The following SPIRE1 variants were observed in gnomAD, a reference collection of about 807,000 sequenced individuals.
SPIRE1 encodes the protein protein spire homolog 1.
A neutral mutation model predicts 94.1 loss-of-function variants in SPIRE1; 40 were observed. The observed-to-expected ratio is 0.43, with a 90% confidence interval of 0.33 to 0.55. The LOEUF (loss-of-function observed/expected upper bound fraction) is 0.55. SPIRE1 is among the 20% of genes least tolerant of loss of function. The probability of loss-of-function intolerance (pLI) is 0.06; values close to 1 mark genes in which losing one functional copy is unlikely to be tolerated. For missense variants in SPIRE1, 838 were observed against 975.2 expected, an observed-to-expected ratio of 0.86 and a Z score of 1.87; for synonymous variants, 376 against 371.7, an observed-to-expected ratio of 1.01 and a Z score of -0.13.
At position 12,557,245 on chromosome 18, in the gene SPIRE1, G is replaced by A. The variant is rs140472709; in HGVS notation, c.373-10341C>T. The stretch of plus-strand genomic sequence containing the variant: ...GGGCCTCATGGGAGACCACGGCAGC[G>A]GGGCAGGGACAGGGCTCAGGCATGG... On this transcript the variant is annotated intron_variant, in intron 2 of 16. Coordinates refer to ENST00000409402, the MANE Select transcript of SPIRE1 (RefSeq NM_001128626.2). 9.5e-3 allele frequency among the ~76,000 whole-genome samples: 1,448 copies of A among 152,332 alleles called. 33 individuals carry two copies. Among genetic ancestry groups the A allele is most frequent in the African/African-American group, 0.032 (1,334 of 41,584 alleles).
chr18:12,598,862 G>C (rs1372419129), intron 2 of SPIRE1, among the ~76,000 whole-genome samples: 1 of 152,116 alleles, frequency 6.6e-6, no homozygotes, highest in East Asian at 1.9e-4. Flanking sequence ...TAGCTTCTGA[G>C]CCAATTTTTG....
intron 2 of SPIRE1, among the ~76,000 whole-genome samples, chr18:12,561,855 A>G (rs575876583): frequency 1.2e-4 from 2 of 17,382 alleles, no homozygotes; most frequent in South Asian, 4.6e-3. Flanking sequence ...ACATAGTCTC[A>G]TATCAGTTCG....
At chr18:12,644,031 C>A (rs1469830061) in intron 1 of SPIRE1, among the ~76,000 whole-genome samples, 59 of 132,158 alleles carry the variant, frequency 4.5e-4, no homozygotes, top group East Asian at 8.8e-4. Context: ...CTGTCTCAAC[C>A]AAAAAAAAAA....
At chr18:12,595,682 A>G (rs1376526764) in intron 2 of SPIRE1, among the ~76,000 whole-genome samples, 1 of 152,256 alleles carries the variant, frequency 6.6e-6, no homozygotes, top group Non-Finnish European at 1.5e-5. Context: ...TATAGATACA[A>G]AAATAAATGA....
intron 2 of SPIRE1, among the ~76,000 whole-genome samples, chr18:12,554,171 T>C (rs965023447): frequency 6.6e-6 from 1 of 151,788 alleles, no homozygotes; most frequent in Non-Finnish European, 1.5e-5. Flanking sequence ...TGATGGCACG[T>C]GTCTGTAATC....
intron 3 of SPIRE1, among the ~76,000 whole-genome samples, chr18:12,544,187 T>C (rs2035087591): frequency 6.6e-6 from 1 of 151,844 alleles, no homozygotes; most frequent in Non-Finnish European, 1.5e-5. Flanking sequence ...AAAAATTTTT[T>C]TTCTTTCTTT....
At chr18:12,558,796 T>A (rs1471767642) in intron 2 of SPIRE1, among the ~76,000 whole-genome samples, 3 of 151,578 alleles carry the variant, frequency 2.0e-5, no homozygotes, top group Non-Finnish European at 4.4e-5. Context: ...GCATTTACAA[T>A]CTTCTAGCTA....
At chr18:12,513,423 CAA>C (rs1183286536) in intron 4 of SPIRE1, among the ~76,000 whole-genome samples, 3 of 152,106 alleles carry the variant, frequency 2.0e-5, no homozygotes, top group African/African-American at 7.2e-5. Context: ...CCACGTTGAT[CAA>C]AAGACTGTTT....
intron 10 of SPIRE1, among the ~76,000 whole-genome samples, chr18:12,468,890 C>T (rs181755816): frequency 6.6e-6 from 1 of 152,116 alleles, no homozygotes; most frequent in East Asian, 1.9e-4. Context: ...GAGAGTTTGT[C>T]TCTACAAAAA....
In SPIRE1 at chr18:12,459,601, G is replaced by T. The variant is rs148018319; in HGVS notation, c.1638+3750C>A. Reference sequence around the variant, plus strand: ...AGTTATTTCCCTCAACTGAGACCACGGCATGATCGGTGCATCCTGCACAAG... The same window carrying T: ...AGTTATTTCCCTCAACTGAGACCACTGCATGATCGGTGCATCCTGCACAAG... On this transcript the variant is annotated intron_variant, in intron 12 of 16. Coordinates refer to ENST00000409402, the MANE Select transcript of SPIRE1 (RefSeq NM_001128626.2). 1.8e-3 allele frequency among the ~76,000 whole-genome samples: 277 copies of T among 152,312 alleles called. 1 individual carries two copies. Among genetic ancestry groups the T allele is most frequent in the African/African-American group, 6.4e-3 (267 of 41,566 alleles).
At chr18:12,510,386 A>G (rs1677253775) in intron 5 of SPIRE1, among the ~76,000 whole-genome samples, 1 of 152,172 alleles carries the variant, frequency 6.6e-6, no homozygotes, top group African/African-American at 2.4e-5. Context: ...TATATCTATT[A>G]TATCTCAATA....
intron 2 of SPIRE1, among the ~76,000 whole-genome samples, chr18:12,611,026 T>C (rs1418340983): frequency 6.6e-6 from 1 of 152,146 alleles, no homozygotes; most frequent in African/African-American, 2.4e-5. Flanking sequence ...GCCAAGGTAA[T>C]AACTCTCCAA....
intron 2 of SPIRE1, 105 bp downstream of exon 2, chr18:12,634,957 T>A: frequency 6.6e-6 from 4 of 607,386 alleles, no homozygotes; most frequent in Non-Finnish European, 1.1e-5. Flanking sequence ...AAAAGAAATC[T>A]TATCAGAAGA....
At chr18:12,519,202 G>A (rs1046341850) in intron 4 of SPIRE1, among the ~76,000 whole-genome samples, 2 of 152,026 alleles carry the variant, frequency 1.3e-5, no homozygotes, top group African/African-American at 4.8e-5. Context: ...TACTTAATTC[G>A]AATTTATATG....
chr18:12,645,088 C>T (rs915193844), intron 1 of SPIRE1, among the ~76,000 whole-genome samples: 1 of 136,836 alleles, frequency 7.3e-6, no homozygotes, highest in African/African-American at 2.7e-5. Flanking sequence ...TCCACACACA[C>T]ATACAAAAGA....
At chr18:12,569,772 C>T (rs1013413666) in intron 2 of SPIRE1, among the ~76,000 whole-genome samples, 1 of 152,144 alleles carries the variant, frequency 6.6e-6, no homozygotes, top group African/African-American at 2.4e-5. Context: ...TGGACATTTC[C>T]AGGGCCTCTG....
rs543365509 is a variant in SPIRE1 at position 12,449,304 on chromosome 18, T to G, written c.*334A>C. On this transcript the variant is annotated 3_prime_UTR_variant, in exon 17 of 17. Coordinates refer to ENST00000409402, the MANE Select transcript of SPIRE1 (RefSeq NM_001128626.2). Reference sequence around the variant, plus strand: ...AGACTGATTCTCGTAGGAGAAGCTTTTTTTTTTTGCCTTAGTCAGGAGATT... The same window carrying G: ...AGACTGATTCTCGTAGGAGAAGCTTGTTTTTTTTGCCTTAGTCAGGAGATT... The G allele has an allele frequency of 3.6e-6, 1 of 279,490 alleles. No individual in the cohort carries two copies. The highest frequency in any genetic ancestry group is 6.8e-6 in the Non-Finnish European group (1 of 146,568). The allele number at this position is 279,490 out of a possible 1,614,324, so 17.3% of individuals were successfully genotyped here. A position where few individuals can be genotyped will look rare whatever the true frequency, so the allele number is the denominator to read the frequency against.
chr18:12,490,174 G>A (rs2033182697), intron 8 of SPIRE1, among the ~76,000 whole-genome samples: 1 of 152,158 alleles, frequency 6.6e-6, no homozygotes, highest in Non-Finnish European at 1.5e-5. Flanking sequence ...AATTCTGGTG[G>A]TTGTGAAATA....
In SPIRE1 at chr18:12,549,436, G is replaced by GTTTTTTTTTT. The variant is rs1345452411; in HGVS notation, c.373-2533_373-2532insAAAAAAAAAA. ...TTGCTTTTTGTTTGTTTTTGTTATT[G>GTTTTTTTTTT]TTGTTTTTTTTTTTTTTTTTTTTTT... On this transcript the variant is annotated intron_variant, in intron 2 of 16. Coordinates refer to ENST00000409402, the MANE Select transcript of SPIRE1 (RefSeq NM_001128626.2). Among the ~76,000 whole-genome samples, 22 of 51,930 alleles carry GTTTTTTTTTT rather than the reference G, an allele frequency of 4.2e-4. 3 individuals carry two copies. Among genetic ancestry groups the GTTTTTTTTTT allele is most frequent in the South Asian group, 7.2e-4 (1 of 1,382 alleles). 34.1% of individuals were successfully genotyped at this position (51,930 alleles called of 152,430 possible).
Sources: allele counts gnomAD v4.1 joint callset (sites outside exome capture counted in the v4.1 genomes callset), GRCh38; gene constraint gnomAD v4.1.1; transcripts MANE v1.5; gene names NCBI Gene and HGNC (gene_info 2026-07-23, HGNC 2026-07-21).